The following ARB2A variants were observed in gnomAD, a reference collection of about 807,000 sequenced individuals.
The protein encoded by ARB2A is cotranscriptional regulator ARB2A.
At chr5:93,774,211 C>G in the ARB2A span, among the ~76,000 whole-genome samples, 27 of 152,322 alleles carry the variant, frequency 1.8e-4, no homozygotes, top group East Asian at 4.1e-3. Context: ...GTCCCTATCC[C>G]TCTCCTGGGG....
chr5:94,068,637 C>T, the ARB2A span, among the ~76,000 whole-genome samples: 3 of 152,094 alleles, frequency 2.0e-5, no homozygotes, highest in Non-Finnish European at 2.9e-5. Context: ...CTGCCTTTAG[C>T]CTAATTTGTA....
the ARB2A span, among the ~76,000 whole-genome samples, chr5:94,042,370 A>ACG: frequency 2.2e-5 from 3 of 134,530 alleles, no homozygotes; most frequent in African/African-American, 8.6e-5. Flanking sequence ...CCCAGGCGCG[A>ACG]CCTCAGCTCA....
chr5:93,853,995 T>G, the ARB2A span, among the ~76,000 whole-genome samples: 1 of 152,222 alleles, frequency 6.6e-6, no homozygotes, highest in Non-Finnish European at 1.5e-5. Flanking sequence ...GAGGATTCCC[T>G]CTTTTTCTAT....
At chr5:93,910,674 G>A in the ARB2A span, 10 of 151,346 alleles carry the variant, frequency 6.6e-5, no homozygotes, top group East Asian at 1.9e-4. Flanking sequence ...GTGGTATTGT[G>A]ACACATAACT....
chr5:93,832,770 C>T, the ARB2A span, among the ~76,000 whole-genome samples: 1 of 152,018 alleles, frequency 6.6e-6, no homozygotes, highest in Non-Finnish European at 1.5e-5. Context: ...TTTTTTTACT[C>T]CCCTACAAGT....
At chr5:93,917,336 G>C in the ARB2A span, among the ~76,000 whole-genome samples, 1 of 152,118 alleles carries the variant, frequency 6.6e-6, no homozygotes, top group Non-Finnish European at 1.5e-5. Flanking sequence ...AATGGATTCA[G>C]GAAGATCAAG....
the ARB2A span, among the ~76,000 whole-genome samples, chr5:93,933,027 T>C: frequency 4.6e-5 from 7 of 152,210 alleles, no homozygotes; most frequent in Admixed American, 1.3e-4. Flanking sequence ...AAGACATTTA[T>C]GCGGACAACA....
chr5:93,985,866 G>A, the ARB2A span, among the ~76,000 whole-genome samples: 10 of 152,172 alleles, frequency 6.6e-5, no homozygotes, highest in South Asian at 2.1e-4. Context: ...AGTGAGGAGC[G>A]TCTCTGCCTG....
chr5:94,042,469 C>T, the ARB2A span, among the ~76,000 whole-genome samples: 5 of 151,932 alleles, frequency 3.3e-5, no homozygotes, highest in East Asian at 9.7e-4. Flanking sequence ...CCACGCCTGG[C>T]TAATTTTTTG....
chr5:94,004,868 C>A, the ARB2A span, among the ~76,000 whole-genome samples: 1 of 150,886 alleles, frequency 6.6e-6, no homozygotes, highest in Non-Finnish European at 1.5e-5. Context: ...TGAACTCAGC[C>A]AAAACAAAGC....
the ARB2A span, among the ~76,000 whole-genome samples, chr5:94,023,801 G>T: frequency 6.6e-6 from 1 of 152,192 alleles, no homozygotes; most frequent in Non-Finnish European, 1.5e-5. Context: ...TGATCACTGT[G>T]TAACTGTAAG....
At chr5:94,076,071 G>A in the ARB2A span, among the ~76,000 whole-genome samples, 1 of 152,130 alleles carries the variant, frequency 6.6e-6, no homozygotes, top group African/African-American at 2.4e-5. Flanking sequence ...CAACATCCAT[G>A]TTAGCTTATT....
At chr5:93,805,473 G>T in the ARB2A span, 1 of 984,978 alleles carries the variant, frequency 1.0e-6, no homozygotes, top group South Asian at 4.7e-5. Flanking sequence ...CCATTCCCCT[G>T]CACAGAAGAG....
At chr5:93,746,745 T>C in the ARB2A span, among the ~76,000 whole-genome samples, 1 of 152,138 alleles carries the variant, frequency 6.6e-6, no homozygotes, top group Non-Finnish European at 1.5e-5. Context: ...TAAAATAAAA[T>C]GATATTAAGT....
chr5:93,880,796 G>A, the ARB2A span, among the ~76,000 whole-genome samples: 6 of 151,640 alleles, frequency 4.0e-5, no homozygotes, highest in African/African-American at 9.7e-5. Context: ...ATCCCATACC[G>A]TTAGTACTAC....
At chr5:93,629,862 G>A in the ARB2A span, among the ~76,000 whole-genome samples, 4,097 of 152,198 alleles carry the variant, frequency 0.027, 165 homozygotes, top group African/African-American at 0.093. Context: ...AGAAAAAGGA[G>A]TATGGGCAAT....
the ARB2A span, among the ~76,000 whole-genome samples, chr5:93,990,074 T>C: frequency 6.6e-6 from 1 of 151,970 alleles, no homozygotes; most frequent in East Asian, 1.9e-4. Context: ...GTAATACATA[T>C]CAGTAACCCA....
the ARB2A span, among the ~76,000 whole-genome samples, chr5:93,779,465 T>C: frequency 6.6e-6 from 1 of 152,090 alleles, no homozygotes; most frequent in Non-Finnish European, 1.5e-5. Flanking sequence ...TTCCGAGTAG[T>C]GATGCAGGCA....
chr5:93,665,060 C>G, the ARB2A span, among the ~76,000 whole-genome samples: 1 of 152,104 alleles, frequency 6.6e-6, no homozygotes, highest in African/African-American at 2.4e-5. Flanking sequence ...TTCCTGGGCT[C>G]AAGTAACCTG....
Sources: gnomAD v4.1 joint callset for allele counts (sites outside exome capture counted in the v4.1 genomes callset) on GRCh38, gnomAD v4.1.1 for gene constraint, MANE v1.5 for transcripts, NCBI Gene and HGNC (gene_info 2026-07-23, HGNC 2026-07-21) for gene names.